E2F2: variants seen among roughly 807,000 people sequenced by gnomAD.
E2F2 encodes the protein E2F transcription factor 2.
In E2F2, 22 loss-of-function variants were observed where a neutral mutation model predicts 42.2. The ratio of observed to expected loss-of-function variants is 0.52; its 90% CI spans 0.37 to 0.74. The LOEUF is 0.74. Ranked by LOEUF, E2F2 falls within the 30% of genes least tolerant of loss-of-function variation. The probability of loss-of-function intolerance (pLI) is 0.00; values close to 1 mark genes in which losing one functional copy is unlikely to be tolerated. For missense variants in E2F2, 481 were observed against 557.8 expected (o/e 0.86, Z 1.39); for synonymous variants, 248 against 251.6 (o/e 0.99, Z 0.13).
chr1:23,518,396 A>G (rs957930201), intron 5 of E2F2, among the ~76,000 whole-genome samples: 2 of 151,722 alleles, frequency 1.3e-5, no homozygotes, highest in Admixed American at 6.6e-5. Flanking sequence ...GCTTCAACCC[A>G]GGAGGCGGAG....
At chr1:23,523,624 G>C (rs1643194230) in intron 2 of E2F2, among the ~76,000 whole-genome samples, 2 of 152,270 alleles carry the variant, frequency 1.3e-5, no homozygotes, top group African/African-American at 4.8e-5. Context: ...CTCCTTGTCT[G>C]CATGTGGGAG....
intron 2 of E2F2, among the ~76,000 whole-genome samples, chr1:23,522,732 A>AT (rs1643177025): frequency 6.6e-6 from 1 of 152,194 alleles, no homozygotes; most frequent in Non-Finnish European, 1.5e-5. Flanking sequence ...GGGGAGGTTC[A>AT]TGAGAAAGGT....
At position 23,521,836 on chromosome 1, in the gene E2F2, C is replaced by T; in HGVS notation, c.578+1G>A. 1 of 1,613,738 alleles carries T rather than the reference C, an allele frequency of 6.2e-7. No homozygotes were observed. Among genetic ancestry groups the T allele is most frequent in the East Asian group, 2.2e-5 (1 of 44,872 alleles). The stretch of plus-strand genomic sequence containing the variant: ...GTACCACTGGCCGCCCAGGCACTCA[C>T]ACCCACTGGATGTTGTTCTTGGCCT... On this transcript the variant is annotated splice_donor_variant, in intron 3 of 6. Coordinates refer to ENST00000361729, the MANE Select transcript of E2F2 (RefSeq NM_004091.4). LOFTEE classifies it high-confidence loss of function.
In E2F2 at chr1:23,530,490, T is replaced by C; in HGVS notation, c.252+52A>G. 6.3e-7 allele frequency: 1 copy of C among 1,597,386 alleles called. No homozygotes were observed. Among genetic ancestry groups the C allele is most frequent in the East Asian group, 2.2e-5 (1 of 44,606 alleles). On this transcript the variant is annotated intron_variant, in intron 1 of 6. Transcript: ENST00000361729. The surrounding 1 kb of genome is among the most constrained non-coding windows in gnomAD (Gnocchi z 4.4). ...TGGATCTCAGGCACCCCTCCCTCCT[T>C]TCCCACACCTGGAAAAGCATAGGGG...
At chr1:23,528,211 G>C (rs1370801480) in intron 1 of E2F2, among the ~76,000 whole-genome samples, 1 of 152,244 alleles carries the variant, frequency 6.6e-6, no homozygotes, top group Non-Finnish European at 1.5e-5. Context: ...GCTCTGGACA[G>C]GGAGCCAGGA....
At chr1:23,511,342 C>T (rs1191600684) in intron 6 of E2F2, among the ~76,000 whole-genome samples, 1 of 152,058 alleles carries the variant, frequency 6.6e-6, no homozygotes, top group Non-Finnish European at 1.5e-5. Flanking sequence ...TCAAGCAATC[C>T]TCTCGCCTCA....
In E2F2 at chr1:23,521,658, G is replaced by A. The variant is rs1053618124; in HGVS notation, c.578+179C>T. 12 of 985,264 alleles carry A rather than the reference G, an allele frequency of 1.2e-5. No individual in the cohort carries two copies. In the African/African-American group the frequency reaches 2.1e-4, roughly 17 times the overall value. The allele number at this position is 985,264 out of a possible 1,614,324, so 61.0% of individuals were successfully genotyped here. On this transcript the variant is annotated intron_variant, in intron 3 of 6. Coordinates refer to ENST00000361729, the MANE Select transcript of E2F2 (RefSeq NM_004091.4). ...ACGGCGCTCTTCCTCACCATACATT[G>A]GCTCTACCCCCAGCAATAAGCCTAT...
chr1:23,524,095 C>CAAAAA (rs1424181672), intron 2 of E2F2, among the ~76,000 whole-genome samples: 82 of 116,648 alleles, frequency 7.0e-4, no homozygotes, highest in African/African-American at 2.7e-3. Context: ...ACAACAACAA[C>CAAAAA]AACAACAACA....
chr1:23,518,924 A>T, intron 5 of E2F2, 92 bp downstream of exon 5: 1 of 951,840 alleles, frequency 1.1e-6, no homozygotes, highest in Non-Finnish European at 1.6e-6. Flanking sequence ...GCATGGGGCT[A>T]GGCAGTGCCA....
chr1:23,528,492 G>A (rs191824621), intron 1 of E2F2, among the ~76,000 whole-genome samples: 40 of 152,320 alleles, frequency 2.6e-4, no homozygotes, highest in Non-Finnish European at 4.9e-4. Context: ...GGGCCTGGCA[G>A]GGCTTTAGGG....
In E2F2 at chr1:23,508,025, G is replaced by A. The variant is rs908296386; in HGVS notation, c.*1855C>T. 3.3e-5 allele frequency: 5 copies of A among 152,266 alleles called. No homozygotes were observed. Among genetic ancestry groups the A allele is most frequent in the Non-Finnish European group, 7.3e-5 (5 of 68,098 alleles). The allele number at this position is 152,266 out of a possible 1,614,324, so 9.4% of individuals were successfully genotyped here. A position where few individuals can be genotyped will look rare whatever the true frequency, so the allele number is the denominator to read the frequency against. ...CTACACAGGGTCCCTGAGCATGCTG[G>A]ACTTTAAGACGGGCGTCTGATAAGA... On this transcript the variant is annotated 3_prime_UTR_variant, in exon 7 of 7. Transcript: ENST00000361729.
At chr1:23,512,089 T>C (rs1558236004) in intron 6 of E2F2, among the ~76,000 whole-genome samples, 1 of 151,980 alleles carries the variant, frequency 6.6e-6, no homozygotes, top group African/African-American at 2.4e-5. Context: ...TCCCAGTTAA[T>C]AGGGAGGCTG....
chr1:23,524,245 G>A (rs554737830), intron 2 of E2F2, 138 bp downstream of exon 2: 7 of 656,834 alleles, frequency 1.1e-5, no homozygotes, highest in African/African-American at 9.4e-5. Context: ...TACCTACCTG[G>A]CAGGATCAAA....
chr1:23,521,186 C>G (rs1025846170), intron 3 of E2F2, 115 bp from the exon 4 acceptor site: 1 of 1,232,536 alleles, frequency 8.1e-7, no homozygotes, highest in Non-Finnish European at 1.1e-6. Flanking sequence ...GTGGTCATGC[C>G]TGTCTCTCAG....
At chr1:23,516,932 T>C (rs1643035914) in intron 5 of E2F2, among the ~76,000 whole-genome samples, 1 of 151,982 alleles carries the variant, frequency 6.6e-6, no homozygotes, top group Non-Finnish European at 1.5e-5. Flanking sequence ...GGCCCAGGAC[T>C]TTTGCTGGAC....
intron 1 of E2F2, among the ~76,000 whole-genome samples, chr1:23,525,149 T>C (rs756737060): frequency 2.0e-5 from 3 of 152,090 alleles, no homozygotes; most frequent in South Asian, 2.1e-4. Context: ...GGGCAGACAA[T>C]GAATCCTTCC....
At chr1:23,519,166 T>A in intron 4 of E2F2, 36 bp from the exon 5 acceptor site, 1 of 1,564,386 alleles carries the variant, frequency 6.4e-7, no homozygotes, top group South Asian at 1.1e-5. Flanking sequence ...GACTGTCTGG[T>A]CAAAATTCAA....
chr1:23,522,180 G>T, intron 2 of E2F2, 124 bp from the exon 3 acceptor site: 1 of 819,038 alleles, frequency 1.2e-6, no homozygotes, highest in Non-Finnish European at 1.9e-6. Context: ...ACAAAGCAGT[G>T]TGAGCCAGGG....
At position 23,524,453 on chromosome 1, in the gene E2F2, C is replaced by T. The variant is rs757314659; in HGVS notation, c.288G>A (p.Arg96=). ...KRKLDLEGIG[R]PVVPEFPTPK... ...GGGTTGGGAACTCAGGGACGACGGG[C>T]CTCCCAATCCCCTCCAGATCCAGCT... Residue 96 remains arginine, a synonymous_variant, in exon 2 of 7, where the codon AGG becomes AGA. Transcript: ENST00000361729. 13 of 1,613,674 alleles carry T rather than the reference C, an allele frequency of 8.1e-6. No individual in the cohort carries two copies. Among genetic ancestry groups the T allele is most frequent in the Non-Finnish European group, 1.1e-5 (13 of 1,179,814 alleles).
Sources: gnomAD v4.1 joint callset for allele counts (sites outside exome capture counted in the v4.1 genomes callset) on GRCh38, gnomAD v4.1.1 for gene constraint, Gnocchi (gnomAD v3.1) non-coding constraint, MANE v1.5 for transcripts, NCBI Gene and HGNC (gene_info 2026-07-23, HGNC 2026-07-21) for gene names.